DPP10: variants seen among roughly 807,000 people sequenced by gnomAD.
DPP10 encodes the protein inactive dipeptidyl peptidase 10.
DPP10 carries 33 observed loss-of-function variants against 120.9 expected under a neutral mutation model. The ratio of observed to expected loss-of-function variants is 0.27; its 90% CI spans 0.21 to 0.37. The LOEUF (loss-of-function observed/expected upper bound fraction) is 0.37. Among genes scored for constraint, DPP10 ranks in the 10% least tolerant of loss-of-function variants. The probability of loss-of-function intolerance (pLI) is 1.00; values close to 1 mark genes in which losing one functional copy is unlikely to be tolerated. For missense variants in DPP10, 816 were observed against 942.8 expected (o/e 0.87, Z 1.76); for synonymous variants, 337 against 326.1 (o/e 1.03, Z -0.36).
chr2:115,181,690 A>T (rs992985529), intron 1 of DPP10, among the ~76,000 whole-genome samples: 6 of 152,180 alleles, frequency 3.9e-5, no homozygotes, highest in Non-Finnish European at 8.8e-5. Flanking sequence ...AAAGCAGGAC[A>T]CAGGAGCAGC....
intron 1 of DPP10, among the ~76,000 whole-genome samples, chr2:114,956,410 A>T (rs1698202526): frequency 6.6e-6 from 1 of 152,080 alleles, no homozygotes; most frequent in Non-Finnish European, 1.5e-5. Flanking sequence ...AAATATGTGT[A>T]TTGAAACTTT....
chr2:115,799,314 A>C (rs1000567301), intron 19 of DPP10, among the ~76,000 whole-genome samples: 7 of 152,084 alleles, frequency 4.6e-5, no homozygotes, highest in Non-Finnish European at 8.8e-5. Context: ...GTTGAAAATT[A>C]TATTGATACA....
chr2:115,435,053 T>C lies in DPP10; in HGVS notation c.272-64457T>C, dbSNP rs764333907. On this transcript the variant is annotated intron_variant, in intron 3 of 25. Coordinates refer to ENST00000410059, the MANE Select transcript of DPP10 (RefSeq NM_020868.6). ...TAATATTTCTATACACATGCACACA[T>C]ATATATATATATATATATATGTATC... 4.0e-3 allele frequency among the ~76,000 whole-genome samples: 78 copies of C among 19,476 alleles called. 1 individual carries two copies. Among genetic ancestry groups the C allele is most frequent in the East Asian group, 0.017 (32 of 1,890 alleles). The allele number at this position is 19,476 out of a possible 152,430, so 12.8% of individuals were successfully genotyped here. A position where few individuals can be genotyped will look rare whatever the true frequency, so the allele number is the denominator to read the frequency against.
chr2:115,678,519 G>T (rs1353674238), intron 5 of DPP10, among the ~76,000 whole-genome samples: 1 of 152,220 alleles, frequency 6.6e-6, no homozygotes, highest in East Asian at 1.9e-4. Flanking sequence ...GATTTCAGAG[G>T]ATGTATGGGA....
At chr2:115,499,413 T>G in intron 3 of DPP10, 97 bp from the exon 4 acceptor site, 1 of 925,686 alleles carries the variant, frequency 1.1e-6, no homozygotes, top group African/African-American at 1.7e-5. Flanking sequence ...AAATGATTAT[T>G]CTAATGTGTC....
intron 5 of DPP10, among the ~76,000 whole-genome samples, chr2:115,641,094 A>G (rs1200593960): frequency 6.6e-6 from 1 of 152,176 alleles, no homozygotes; most frequent in African/African-American, 2.4e-5. Context: ...TGCAACAGCA[A>G]CAATTGTACT....
chr2:114,761,615 C>A (rs1170158679), intron 1 of DPP10, among the ~76,000 whole-genome samples: 2 of 152,208 alleles, frequency 1.3e-5, no homozygotes, highest in East Asian at 3.9e-4. Context: ...CTGCATATCA[C>A]CCCCAGGGGA....
At chr2:115,374,144 A>G (rs2065615276) in intron 3 of DPP10, among the ~76,000 whole-genome samples, 1 of 152,084 alleles carries the variant, frequency 6.6e-6, no homozygotes, top group South Asian at 2.1e-4. Flanking sequence ...TTTCAAAACC[A>G]ATCATGCCTT....
At chr2:115,775,310 G>GA (rs1282979130) in intron 13 of DPP10, among the ~76,000 whole-genome samples, 1 of 151,782 alleles carries the variant, frequency 6.6e-6, no homozygotes, top group African/African-American at 2.4e-5. Flanking sequence ...AAGTTATTTG[G>GA]AAAAAGTAGT....
chr2:115,254,665 G>A (rs2058900932), intron 1 of DPP10, among the ~76,000 whole-genome samples: 1 of 152,216 alleles, frequency 6.6e-6, no homozygotes, highest in South Asian at 2.1e-4. Context: ...CAATGGGAGT[G>A]CAGACATTGG....
At chr2:115,190,559 C>T (rs1022013587) in intron 1 of DPP10, among the ~76,000 whole-genome samples, 23 of 152,178 alleles carry the variant, frequency 1.5e-4, no homozygotes, top group African/African-American at 3.4e-4. Flanking sequence ...AAGGAATACT[C>T]GCTTTTCCCC....
chr2:115,060,701 A>T (rs1207880650), intron 1 of DPP10, among the ~76,000 whole-genome samples: 1 of 152,188 alleles, frequency 6.6e-6, no homozygotes, highest in African/African-American at 2.4e-5. Context: ...CTCATTCACA[A>T]CATCTTTTAT....
intron 3 of DPP10, among the ~76,000 whole-genome samples, chr2:115,384,421 AG>A (rs1200985674): frequency 3.3e-5 from 5 of 149,758 alleles, no homozygotes; most frequent in Non-Finnish European, 7.4e-5. Context: ...AAGAAGAAGA[AG>A]AAGAAGGAGA....
intron 12 of DPP10, among the ~76,000 whole-genome samples, chr2:115,764,612 A>G (rs896086213): frequency 3.9e-5 from 6 of 152,260 alleles, no homozygotes; most frequent in African/African-American, 1.4e-4. Context: ...ATATGTCAAC[A>G]TAATGCATGT....
chr2:114,497,266 C>CGT (rs1682664932), intron 1 of DPP10, among the ~76,000 whole-genome samples: 1 of 51,394 alleles, frequency 1.9e-5, no homozygotes. Flanking sequence ...CGTGTGTATA[C>CGT]ATGTACATGT....
At chr2:115,351,902 T>TA (rs1055967826) in intron 3 of DPP10, among the ~76,000 whole-genome samples, 1 of 152,092 alleles carries the variant, frequency 6.6e-6, no homozygotes, top group Non-Finnish European at 1.5e-5. Context: ...ATATCTACTA[T>TA]AAAAAATCAT....
intron 3 of DPP10, among the ~76,000 whole-genome samples, chr2:115,493,454 T>C (rs1390024156): frequency 6.6e-6 from 1 of 151,926 alleles, no homozygotes; most frequent in Non-Finnish European, 1.5e-5. Context: ...AGGACATTAG[T>C]TGAATGTTTA....
chr2:115,006,480 A>T (rs1278993738), intron 1 of DPP10, among the ~76,000 whole-genome samples: 2 of 151,402 alleles, frequency 1.3e-5, no homozygotes, highest in African/African-American at 2.4e-5. Context: ...CCCATCTCAC[A>T]TGCAGAGACA....
intron 4 of DPP10, among the ~76,000 whole-genome samples, chr2:115,510,689 T>A (rs1035609749): frequency 3.3e-5 from 5 of 152,142 alleles, no homozygotes. Flanking sequence ...CAAAAGAAGC[T>A]AAGACTTTTG....
Sources: gnomAD v4.1 joint callset for allele counts (sites outside exome capture counted in the v4.1 genomes callset) on GRCh38, gnomAD v4.1.1 for gene constraint, MANE v1.5 for transcripts, NCBI Gene and HGNC (gene_info 2026-07-23, HGNC 2026-07-21) for gene names.